Variants in IQCJ observed in about 807,000 individuals in gnomAD.
IQCJ encodes IQ motif containing J, also known as IQ domain-containing protein J.
Under a neutral mutation model 11.0 loss-of-function variants are expected in IQCJ, and 9 were observed. That is an observed-to-expected ratio of 0.82 (90% CI 0.49 to 1.43). The LOEUF is 1.43. Ranked by LOEUF, IQCJ falls within the 40% of genes most tolerant of loss-of-function variation. The pLI is 0.00. For missense variants in IQCJ, 146 were observed against 133.2 expected (o/e 1.10, Z -0.47); for synonymous variants, 55 against 51.3 (o/e 1.07, Z -0.31).
chr3:159,235,394 G>C (rs1726517550), intron 1 of IQCJ, among the ~76,000 whole-genome samples: 1 of 152,144 alleles, frequency 6.6e-6, no homozygotes, highest in Non-Finnish European at 1.5e-5. Flanking sequence ...GATAGTTTTT[G>C]AATGTCATGA....
chr3:159,115,682 A>G (rs1718939073), intron 1 of IQCJ, among the ~76,000 whole-genome samples: 2 of 152,132 alleles, frequency 1.3e-5, no homozygotes, highest in South Asian at 2.1e-4. Context: ...TGTTTGTCTC[A>G]TGCAATTGTC....
intron 1 of IQCJ, among the ~76,000 whole-genome samples, chr3:159,164,875 A>G (rs1240552387): frequency 6.6e-6 from 1 of 152,204 alleles, no homozygotes; most frequent in Non-Finnish European, 1.5e-5. Flanking sequence ...TGGAAGGTAT[A>G]CCATGATTAA....
intron 1 of IQCJ, among the ~76,000 whole-genome samples, chr3:159,242,547 A>G (rs1726987011): frequency 6.7e-6 from 1 of 149,964 alleles, no homozygotes; most frequent in African/African-American, 2.5e-5. Context: ...ACCAAACATT[A>G]AAAGCCACAT....
At chr3:159,257,634 G>A (rs986671300) in intron 3 of IQCJ, among the ~76,000 whole-genome samples, 2 of 152,176 alleles carry the variant, frequency 1.3e-5, no homozygotes, top group Admixed American at 6.5e-5. Flanking sequence ...GCATGCAGTG[G>A]CCCCGTATTG....
chr3:159,160,298 C>G (rs1053595498), intron 1 of IQCJ, among the ~76,000 whole-genome samples: 1 of 151,696 alleles, frequency 6.6e-6, no homozygotes, highest in Non-Finnish European at 1.5e-5. Context: ...CAACATAATT[C>G]TATTATTATT....
intron 1 of IQCJ, among the ~76,000 whole-genome samples, chr3:159,172,401 G>A (rs115993899): frequency 0.021 from 3,220 of 151,810 alleles, 121 homozygotes; most frequent in African/African-American, 0.075. Flanking sequence ...AGCAATAAAA[G>A]TCATGCTAAG....
rs548414459 is a variant in IQCJ at position 159,202,572 on chromosome 3, T to C, written c.10-43271T>C. Among the ~76,000 whole-genome samples the C allele has an allele frequency of 2.6e-5, 4 of 152,336 alleles. No individual in the cohort carries two copies. The East Asian group carries it at 7.7e-4, about 29-fold the overall frequency. On this transcript the variant is annotated intron_variant, in intron 1 of 3. Coordinates refer to ENST00000397832, the MANE Select transcript of IQCJ (RefSeq NM_001042706.3). ...GGTGGCTGTTCCTTCATGGTTCCTC[T>C]TGGTCCTGTTGGCTTTTCCTAATCT...
chr3:159,179,708 A>G (rs1049615536), intron 1 of IQCJ, among the ~76,000 whole-genome samples: 20 of 152,238 alleles, frequency 1.3e-4, no homozygotes, highest in Non-Finnish European at 1.2e-4. Flanking sequence ...AATACGTACC[A>G]TTTATTAAGC....
At chr3:159,169,457 T>C (rs556106321) in intron 1 of IQCJ, among the ~76,000 whole-genome samples, 2 of 151,806 alleles carry the variant, frequency 1.3e-5, no homozygotes, top group Non-Finnish European at 2.9e-5. Flanking sequence ...AGCTAATTTT[T>C]GTATTTTTTA....
At chr3:159,145,183 TG>T (rs1386507146) in intron 1 of IQCJ, among the ~76,000 whole-genome samples, 2 of 152,282 alleles carry the variant, frequency 1.3e-5, no homozygotes, top group South Asian at 2.1e-4. Flanking sequence ...GTAGCTGAAT[TG>T]ATTTATTTCA....
At chr3:159,240,951 A>G (rs1362904532) in intron 1 of IQCJ, among the ~76,000 whole-genome samples, 2 of 152,186 alleles carry the variant, frequency 1.3e-5, no homozygotes, top group East Asian at 3.8e-4. Flanking sequence ...GCAAGCAAAC[A>G]ACAGCTTAGT....
chr3:159,083,947 G>A (rs1249704591), intron 1 of IQCJ, among the ~76,000 whole-genome samples: 1 of 152,086 alleles, frequency 6.6e-6, no homozygotes, highest in Non-Finnish European at 1.5e-5. Context: ...AAGGGTAAAA[G>A]GAGGGATCCT....
chr3:159,157,579 A>G (rs1198463249), intron 1 of IQCJ, among the ~76,000 whole-genome samples: 1 of 152,212 alleles, frequency 6.6e-6, no homozygotes, highest in Non-Finnish European at 1.5e-5. Context: ...TGTTACATTT[A>G]TATGGTCTCA....
intron 1 of IQCJ, among the ~76,000 whole-genome samples, chr3:159,135,631 AG>A (rs1374430313): frequency 2.0e-5 from 3 of 152,202 alleles, no homozygotes; most frequent in Non-Finnish European, 4.4e-5. Context: ...AGAGAGGGAA[AG>A]ATAATGGAAG....
At chr3:159,194,882 G>A (rs1723893176) in intron 1 of IQCJ, among the ~76,000 whole-genome samples, 1 of 152,148 alleles carries the variant, frequency 6.6e-6, no homozygotes, top group Non-Finnish European at 1.5e-5. Context: ...GGAGGCCGAA[G>A]TGGGCAGACC....
chr3:159,174,139 A>G (rs1336315502), intron 1 of IQCJ, among the ~76,000 whole-genome samples: 1 of 152,044 alleles, frequency 6.6e-6, no homozygotes, highest in African/African-American at 2.4e-5. Flanking sequence ...AAAACTTATA[A>G]TTCTTGTTTT....
chr3:159,120,581 C>T (rs1230502974), intron 1 of IQCJ, among the ~76,000 whole-genome samples: 2 of 152,166 alleles, frequency 1.3e-5, no homozygotes, highest in Non-Finnish European at 2.9e-5. Flanking sequence ...ACTTGGTGAA[C>T]ATATAGCATC....
chr3:159,175,744 G>C (rs944650510), intron 1 of IQCJ, among the ~76,000 whole-genome samples: 46 of 152,218 alleles, frequency 3.0e-4, no homozygotes, highest in African/African-American at 1.1e-3. Flanking sequence ...AACACTGATG[G>C]AAATTTGGTT....
At chr3:159,181,360 A>G (rs1030921145) in intron 1 of IQCJ, among the ~76,000 whole-genome samples, 1 of 147,586 alleles carries the variant, frequency 6.8e-6, no homozygotes, top group African/African-American at 2.5e-5. Context: ...TTTTGCTGGC[A>G]TTCTCACTGG....
Sources: allele counts gnomAD v4.1 joint callset (sites outside exome capture counted in the v4.1 genomes callset), GRCh38; gene constraint gnomAD v4.1.1; transcripts MANE v1.5; gene names NCBI Gene and HGNC (gene_info 2026-07-23, HGNC 2026-07-21).